Variants in NUSAP1 observed in about 807,000 individuals in gnomAD.
NUSAP1 encodes the protein nucleolar and spindle-associated protein 1.
Under a neutral mutation model 52.8 loss-of-function variants are expected in NUSAP1, and 32 were observed. That is an observed-to-expected ratio of 0.61 (90% CI 0.46 to 0.81). NUSAP1 has a LOEUF of 0.81. Ranked by LOEUF, NUSAP1 falls within the 40% of genes least tolerant of loss-of-function variation. The pLI is 0.00. For missense variants in NUSAP1, 499 were observed against 522.3 expected (o/e 0.96, Z 0.43); for synonymous variants, 195 against 183.1 (o/e 1.06, Z -0.52).
At chr15:41,347,001 C>T (rs1286788403) in intron 2 of NUSAP1, among the ~76,000 whole-genome samples, 1 of 151,794 alleles carries the variant, frequency 6.6e-6, no homozygotes, top group Non-Finnish European at 1.5e-5. Flanking sequence ...GGTGAAATCC[C>T]GTCTCTACTA....
At chr15:41,349,022 C>G (rs2048685444) in intron 2 of NUSAP1, 76 bp from the exon 3 acceptor site, 1 of 1,409,106 alleles carries the variant, frequency 7.1e-7, no homozygotes, top group South Asian at 1.3e-5. Context: ...GTTTTTTATT[C>G]TGTCTCAATT....
intron 2 of NUSAP1, among the ~76,000 whole-genome samples, chr15:41,345,086 A>AC (rs1459240809): frequency 6.6e-6 from 1 of 151,686 alleles, no homozygotes; most frequent in African/African-American, 2.4e-5. Context: ...TGCAGCCTGG[A>AC]CCCCCCAGGC....
chr15:41,346,292 A>G (rs538545501), intron 2 of NUSAP1, among the ~76,000 whole-genome samples: 1 of 151,400 alleles, frequency 6.6e-6, no homozygotes, highest in Non-Finnish European at 1.5e-5. Flanking sequence ...GATATATTTT[A>G]TATTTTTTTA....
At chr15:41,369,355 A>G (rs1017485578) in intron 7 of NUSAP1, among the ~76,000 whole-genome samples, 8 of 152,156 alleles carry the variant, frequency 5.3e-5, no homozygotes, top group Admixed American at 5.2e-4. Flanking sequence ...ATTTCATTTA[A>G]GAACACCATG....
In NUSAP1 at chr15:41,342,395, T is replaced by A. The variant is rs753118869; in HGVS notation, c.103T>A (p.Leu35Met). The A allele has an allele frequency of 7.9e-5, 125 of 1,591,174 alleles. No homozygotes were observed. Among genetic ancestry groups the A allele is most frequent in the Admixed American group, 2.7e-4 (15 of 56,558 alleles). The change falls in exon 2 of 11, where the codon TTG becomes ATG. Residue 35 changes from leucine (L) to methionine (M), a missense_variant. Transcript: ENST00000559596. ...GLRANLRATK[L>M]LKALKGYIKH... ...AAGGTCTCTCTTGCAGGCAACCAAG[T>A]TGTTAAAAGCCTTGAAAGGCTACAT...
rs138174978 is a variant in NUSAP1 at position 41,357,568 on chromosome 15, C to T, written c.551-581C>T. 1.9e-3 allele frequency among the ~76,000 whole-genome samples: 294 copies of T among 151,776 alleles called. 3 individuals are homozygous for T. The highest frequency in any genetic ancestry group is 6.8e-3 in the African/African-American group (280 of 41,428). On this transcript the variant is annotated intron_variant, in intron 5 of 10. Coordinates refer to ENST00000559596, the MANE Select transcript of NUSAP1 (RefSeq NM_016359.5). ...AAGCGATTCTCCTGCCTCAGTGTCC[C>T]GAGTAGCTGGGATTACAGGCGTGCG...
rs7178634 is a variant in NUSAP1 at position 41,342,389 on chromosome 15, A to C, written c.97A>C (p.Thr33Pro). The C allele has an allele frequency of 1.3e-6, 2 of 1,580,216 alleles. No homozygotes were observed. The highest frequency in any genetic ancestry group is 1.7e-4 in the Middle Eastern group (1 of 6,038). Residue 33 changes from threonine to proline, a missense_variant, in exon 2 of 11, where the codon ACC (threonine) becomes CCC (proline). Coordinates refer to ENST00000559596, the MANE Select transcript of NUSAP1 (RefSeq NM_016359.5). ...AATAATAAGGTCTCTCTTGCAGGCAACCAAGTTGTTAAAAGCCTTGAAAGG... is the reference window on the plus strand; with the variant it reads ...AATAATAAGGTCTCTCTTGCAGGCACCCAAGTTGTTAAAAGCCTTGAAAGG... ...SLGLRANLRATKLLKALKGYI... is the reference protein window; with the variant it reads ...SLGLRANLRAPKLLKALKGYI...
chr15:41,335,332 G>A (rs1386159862), intron 1 of NUSAP1, among the ~76,000 whole-genome samples: 1 of 140,444 alleles, frequency 7.1e-6, no homozygotes, highest in Non-Finnish European at 1.5e-5. Context: ...AATATACTAG[G>A]ATACTAAATA....
At chr15:41,362,930 G>A (rs1261782956) in intron 6 of NUSAP1, among the ~76,000 whole-genome samples, 1 of 151,948 alleles carries the variant, frequency 6.6e-6, no homozygotes, top group Non-Finnish European at 1.5e-5. Flanking sequence ...CTGAGATCGG[G>A]CCACTGTCCT....
chr15:41,364,595 C>G (rs1032672100), intron 6 of NUSAP1, among the ~76,000 whole-genome samples: 2 of 151,958 alleles, frequency 1.3e-5, no homozygotes, highest in African/African-American at 2.4e-5. Context: ...TAGCTGGGCA[C>G]AGTGGCTCAC....
At chr15:41,336,648 GTT>G (rs75426159) in intron 1 of NUSAP1, among the ~76,000 whole-genome samples, 8 of 91,312 alleles carry the variant, frequency 8.8e-5, no homozygotes, top group Non-Finnish European at 1.2e-4. Flanking sequence ...CCTCCTTTTG[GTT>G]TTTTTTTTTT....
At chr15:41,377,565 G>A (rs1056025238) in intron 10 of NUSAP1, among the ~76,000 whole-genome samples, 1 of 151,676 alleles carries the variant, frequency 6.6e-6, no homozygotes, top group East Asian at 1.9e-4. Flanking sequence ...TGGGCATGGT[G>A]GCGGGCGCCT....
chr15:41,349,487 A>G (rs1450714204), intron 3 of NUSAP1: 4 of 371,916 alleles, frequency 1.1e-5, no homozygotes, highest in African/African-American at 2.0e-5. Flanking sequence ...ATGAACATTC[A>G]TTGAGTGTTC....
At chr15:41,349,379 A>T in intron 3 of NUSAP1, 138 bp downstream of exon 3, 1 of 824,364 alleles carries the variant, frequency 1.2e-6, no homozygotes, top group Non-Finnish European at 1.9e-6. Flanking sequence ...ATGAAAGCCC[A>T]GACCCAAGTC....
intron 1 of NUSAP1, 79 bp downstream of exon 1, chr15:41,333,129 G>A: frequency 3.6e-6 from 4 of 1,098,632 alleles, no homozygotes; most frequent in East Asian, 5.1e-5. Flanking sequence ...CGAAGGGACC[G>A]AGAGGGAAGC....
intron 10 of NUSAP1, among the ~76,000 whole-genome samples, chr15:41,378,944 GTTTTTTTTTTTTT>G (rs1187469450): frequency 6.3e-5 from 4 of 63,270 alleles, no homozygotes; most frequent in African/African-American, 2.8e-4. Context: ...ACTTATCTTG[GTTTTTTTTTTTTT>G]TTTTTTTTTT....
chr15:41,361,901 C>T (rs1043615901), intron 6 of NUSAP1, among the ~76,000 whole-genome samples: 2 of 152,038 alleles, frequency 1.3e-5, no homozygotes, highest in African/African-American at 4.8e-5. Flanking sequence ...TGAAGTTGCT[C>T]CTGGCACATT....
chr15:41,336,648 G>GT (rs75426159), intron 1 of NUSAP1, among the ~76,000 whole-genome samples: 7,356 of 91,222 alleles, frequency 0.081, 532 homozygotes, highest in African/African-American at 0.19. Context: ...CCTCCTTTTG[G>GT]TTTTTTTTTT....
chr15:41,345,452 A>G, intron 2 of NUSAP1: 3 of 412,456 alleles, frequency 7.3e-6, no homozygotes, highest in Admixed American at 3.1e-5. Context: ...ATTTATGATC[A>G]CCTATTTTTT....
Sources: gnomAD v4.1 joint callset for allele counts (sites outside exome capture counted in the v4.1 genomes callset) on GRCh38, gnomAD v4.1.1 for gene constraint, MANE v1.5 for transcripts, NCBI Gene and HGNC (gene_info 2026-07-23, HGNC 2026-07-21) for gene names.